GRAMD1B: variants seen among roughly 807,000 people sequenced by gnomAD.
GRAMD1B encodes the protein protein Aster-B.
GRAMD1B carries 37 observed loss-of-function variants against 99.7 expected under a neutral mutation model. The observed-to-expected ratio is 0.37, with a 90% CI of 0.29 to 0.49. The LOEUF is 0.49. Ranked by LOEUF, GRAMD1B falls within the 20% of genes least tolerant of loss-of-function variation. GRAMD1B has a pLI of 0.98. For synonymous variants in GRAMD1B, 427 were observed against 387.6 expected, an observed-to-expected ratio of 1.10 and a Z score of -1.19; for missense variants, 888 against 1,009.2, an observed-to-expected ratio of 0.88 and a Z score of 1.63.
chr11:123,616,161 A>C (rs904135898), intron 17 of GRAMD1B, among the ~76,000 whole-genome samples: 14 of 152,224 alleles, frequency 9.2e-5, no homozygotes, highest in African/African-American at 3.4e-4. Flanking sequence ...GTCTCTACTA[A>C]AAATACAAAT....
chr11:123,508,917 T>C (rs1940706773), intron 2 of GRAMD1B, among the ~76,000 whole-genome samples: 1 of 152,170 alleles, frequency 6.6e-6, no homozygotes, highest in Non-Finnish European at 1.5e-5. Context: ...ACTCCAGACA[T>C]CAGGTGATCT....
chr11:123,605,578 G>T (rs1048990009), intron 10 of GRAMD1B, 100 bp downstream of exon 10: 4 of 934,510 alleles, frequency 4.3e-6, no homozygotes, highest in Non-Finnish European at 6.4e-6. Flanking sequence ...GTAGAGAGGA[G>T]ATTGGTTACA....
At chr11:123,553,486 A>G (rs1026940488) in intron 2 of GRAMD1B, among the ~76,000 whole-genome samples, 11 of 152,318 alleles carry the variant, frequency 7.2e-5, no homozygotes, top group African/African-American at 1.7e-4. Context: ...TTGAATGGCA[A>G]TGTTGGTTGC....
At chr11:123,603,011 G>A (rs1362583593) in intron 8 of GRAMD1B, among the ~76,000 whole-genome samples, 2 of 152,190 alleles carry the variant, frequency 1.3e-5, no homozygotes, top group African/African-American at 2.4e-5. Flanking sequence ...GTGGGGCACC[G>A]GGTCAGGGGA....
intron 2 of GRAMD1B, among the ~76,000 whole-genome samples, chr11:123,571,794 C>T (rs752869055): frequency 6.6e-6 from 1 of 152,104 alleles, no homozygotes; most frequent in Non-Finnish European, 1.5e-5. Flanking sequence ...CCTTTTCACC[C>T]TTGTTCATGC....
chr11:123,548,291 AATATATATATATATATATATAT>A lies in GRAMD1B; in HGVS notation c.453-29062_453-29041del, dbSNP rs139996126. On this transcript the variant is annotated intron_variant, in intron 2 of 19. Transcript: ENST00000635736. ...AATTGGAAGAGTCAGGCTGTGCCAA[AATATATATATATATATATATAT>A]ATATATATATATACACACACACACA... Among the ~76,000 whole-genome samples, 33 of 75,154 alleles carry A rather than the reference AATATATATATATATATATATAT, an allele frequency of 4.4e-4. 2 individuals are homozygous for A. The highest frequency in any genetic ancestry group is 6.4e-4 in the Non-Finnish European group (26 of 40,872). 49.3% of individuals were successfully genotyped at this position (75,154 alleles called of 152,430 possible).
At chr11:123,536,584 G>T (rs1451519552) in intron 2 of GRAMD1B, among the ~76,000 whole-genome samples, 2 of 151,860 alleles carry the variant, frequency 1.3e-5, no homozygotes, top group African/African-American at 4.8e-5. Flanking sequence ...TATTTTTTTT[G>T]TTTTATATTT....
intron 2 of GRAMD1B, 59 bp downstream of exon 2, chr11:123,480,952 G>T: frequency 2.5e-6 from 1 of 398,750 alleles, no homozygotes; most frequent in Non-Finnish European, 4.4e-6. Flanking sequence ...GGGGTGGAAT[G>T]TTTGAGGAAG....
intron 2 of GRAMD1B, among the ~76,000 whole-genome samples, chr11:123,532,094 A>G (rs766464363): frequency 1.3e-5 from 2 of 152,174 alleles, no homozygotes; most frequent in African/African-American, 2.4e-5. Flanking sequence ...ATGTTGAACT[A>G]AACTGGGTTA....
intron 2 of GRAMD1B, among the ~76,000 whole-genome samples, chr11:123,564,858 T>C (rs548321871): frequency 2.6e-5 from 4 of 152,256 alleles, no homozygotes; most frequent in South Asian, 2.1e-4. Context: ...TCCCAGTGGA[T>C]TGGAAATCTC....
At chr11:123,421,710 G>A (rs1023050074) in intron 1 of GRAMD1B, among the ~76,000 whole-genome samples, 3 of 152,180 alleles carry the variant, frequency 2.0e-5, no homozygotes, top group Non-Finnish European at 4.4e-5. Flanking sequence ...TACATCCAGG[G>A]AGTGGTTGAG....
At chr11:123,413,680 G>T (rs1050368290) in intron 1 of GRAMD1B, among the ~76,000 whole-genome samples, 2 of 152,128 alleles carry the variant, frequency 1.3e-5, no homozygotes, top group Non-Finnish European at 2.9e-5. Context: ...GGCAGATCCT[G>T]CACAGATAAA....
chr11:123,462,841 A>C (rs2064174342), intron 1 of GRAMD1B, among the ~76,000 whole-genome samples: 1 of 148,082 alleles, frequency 6.8e-6, no homozygotes, highest in Admixed American at 6.9e-5. Context: ...TGACCCTGCC[A>C]AATCCCCCTC....
At chr11:123,573,625 C>T (rs970169324) in intron 2 of GRAMD1B, among the ~76,000 whole-genome samples, 1 of 152,168 alleles carries the variant, frequency 6.6e-6, no homozygotes, top group Non-Finnish European at 1.5e-5. Flanking sequence ...TTTAATCTGT[C>T]AAGAATCCAA....
intron 3 of GRAMD1B, 77 bp from the exon 4 acceptor site, chr11:123,584,235 G>A: frequency 1.3e-6 from 1 of 783,558 alleles, no homozygotes. Context: ...TCCGCTGTCT[G>A]TGTGCCCTTC....
At position 123,393,744 on chromosome 11, in the gene GRAMD1B, C is replaced by T. The variant is rs11601623; in HGVS notation, c.-176+34945C>T. 6.7e-3 allele frequency among the ~76,000 whole-genome samples: 1,026 copies of T among 152,316 alleles called. 8 individuals carry two copies. The highest frequency in any genetic ancestry group is 0.023 in the African/African-American group (965 of 41,576). On this transcript the variant is annotated intron_variant, in intron 1 of 20. Coordinates refer to the GRAMD1B transcript ENST00000638157. The stretch of plus-strand genomic sequence containing the variant: ...CACATCCTGTTGTCTTTGTAATCCC[C>T]TGTTGGTTACCCAGGTCCACCCTCT...
At chr11:123,457,117 AAAAG>A (rs111505156) in intron 1 of GRAMD1B, among the ~76,000 whole-genome samples, 13 of 99,494 alleles carry the variant, frequency 1.3e-4, no homozygotes, top group East Asian at 3.7e-4. Flanking sequence ...TTCTGAGAAA[AAAAG>A]AAAGAAAGAA....
chr11:123,441,990 T>C (rs1949430158), intron 1 of GRAMD1B, among the ~76,000 whole-genome samples: 1 of 152,204 alleles, frequency 6.6e-6, no homozygotes. Flanking sequence ...GCGTTGAGGA[T>C]AGAGAATTTG....
chr11:123,437,810 C>G (rs538168401), intron 1 of GRAMD1B, among the ~76,000 whole-genome samples: 14 of 152,192 alleles, frequency 9.2e-5, no homozygotes, highest in Non-Finnish European at 2.1e-4. Flanking sequence ...CTTCCTCTGA[C>G]CTTTGGAGGG....
Sources: gnomAD v4.1 joint callset for allele counts (sites outside exome capture counted in the v4.1 genomes callset) on GRCh38, gnomAD v4.1.1 for gene constraint, MANE v1.5 for transcripts, NCBI Gene and HGNC (gene_info 2026-07-23, HGNC 2026-07-21) for gene names.